Variants in KIAA1217 observed in about 807,000 individuals in gnomAD.
KIAA1217 encodes the protein KIAA1217, also known as sickle tail protein homolog.
KIAA1217 carries 88 observed loss-of-function variants against 163.9 expected under a neutral mutation model. That is an observed-to-expected ratio of 0.54 (90% confidence interval 0.45 to 0.64). KIAA1217 has a LOEUF of 0.64. KIAA1217 is among the 30% of genes least tolerant of loss of function. The pLI, the probability that KIAA1217 is intolerant of heterozygous loss-of-function variation, is 0.00. For synonymous variants in KIAA1217, 903 were observed against 923.1 expected (o/e 0.98, Z 0.39); for missense variants, 2,372 against 2,475.0 (o/e 0.96, Z 0.88).
chr10:24,308,786 G>T (rs1590823324), intron 2 of KIAA1217, among the ~76,000 whole-genome samples: 1 of 152,072 alleles, frequency 6.6e-6, no homozygotes. Flanking sequence ...CCTTCTACTT[G>T]ATGCAATGAC....
At chr10:24,440,858 T>C (rs1457028132) in intron 5 of KIAA1217, among the ~76,000 whole-genome samples, 1 of 152,254 alleles carries the variant, frequency 6.6e-6, no homozygotes, top group Non-Finnish European at 1.5e-5. Flanking sequence ...GGTGTGATCA[T>C]GCCTGCAGTT....
chr10:23,878,141 C>T (rs892327467), intron 1 of KIAA1217, among the ~76,000 whole-genome samples: 10 of 151,830 alleles, frequency 6.6e-5, no homozygotes, highest in African/African-American at 1.2e-4. Flanking sequence ...GTGAGCAGTG[C>T]GAGACGTTGA....
chr10:24,298,797 C>G (rs2132645313), intron 2 of KIAA1217, among the ~76,000 whole-genome samples: 1 of 151,678 alleles, frequency 6.6e-6, no homozygotes, highest in Middle Eastern at 3.4e-3. Context: ...GACTCCATCT[C>G]AAAAAGAAAA....
Position 24,543,595 on chromosome 10 carries a change from C to T in KIAA1217, c.4325C>T (p.Pro1442Leu). 1.2e-6 allele frequency: 2 copies of T among 1,614,072 alleles called. No individual in the cohort carries two copies. The highest frequency in any genetic ancestry group is 1.7e-6 in the Non-Finnish European group (2 of 1,180,006). Residue 1442 changes from proline (P) to leucine (L), a missense_variant, in exon 19 of 21, where the codon CCA (proline) becomes CTA (leucine). Around this residue, in one of 3 missense-constraint regions of KIAA1217, gnomAD observed 690 missense variants for 677.5 expected, o/e 1.02. Transcript: ENST00000376454. ...CCAGTCGTGTGCCTGGACAAGAAACCAGTGATCATCATTTTCGATGAGCCC... is the reference window on the plus strand; with the variant it reads ...CCAGTCGTGTGCCTGGACAAGAAACTAGTGATCATCATTTTCGATGAGCCC... ...EDPVVCLDKK[P>L]VIIIFDEPMD... is the part of the protein sequence containing the mutation.
At chr10:23,906,853 C>A (rs1842183218) in intron 1 of KIAA1217, among the ~76,000 whole-genome samples, 1 of 152,122 alleles carries the variant, frequency 6.6e-6, no homozygotes, top group Non-Finnish European at 1.5e-5. Context: ...ATCATACAGA[C>A]CAGTGCCACC....
At chr10:24,209,359 G>T in intron 1 of KIAA1217, 96 bp downstream of exon 1, 2 of 648,876 alleles carry the variant, frequency 3.1e-6, no homozygotes, top group Non-Finnish European at 4.6e-6. Context: ...ACCCGGCAAA[G>T]GAAAAAAAAA....
At chr10:24,388,858 C>T (rs1275380272) in intron 3 of KIAA1217, among the ~76,000 whole-genome samples, 1 of 140,532 alleles carries the variant, frequency 7.1e-6, no homozygotes, top group Non-Finnish European at 1.5e-5. Flanking sequence ...CAATGAGATA[C>T]CATCTCACAC....
At chr10:24,108,131 G>A (rs931079575) in intron 2 of KIAA1217, among the ~76,000 whole-genome samples, 1 of 152,150 alleles carries the variant, frequency 6.6e-6, no homozygotes, top group Non-Finnish European at 1.5e-5. Flanking sequence ...CTCATCCTAA[G>A]GAAGGCTATT....
At chr10:24,055,413 T>C (rs1389230203) in intron 2 of KIAA1217, among the ~76,000 whole-genome samples, 1 of 152,234 alleles carries the variant, frequency 6.6e-6, no homozygotes, top group Non-Finnish European at 1.5e-5. Context: ...CCATGTTTAA[T>C]TTATAGCTTC....
chr10:24,540,982 C>T (rs1027239835), intron 17 of KIAA1217, among the ~76,000 whole-genome samples: 5 of 151,762 alleles, frequency 3.3e-5, no homozygotes, highest in African/African-American at 1.2e-4. Context: ...ATGACCAGGT[C>T]GGTCTCAAAT....
At chr10:23,880,137 A>C (rs1840885601) in intron 1 of KIAA1217, among the ~76,000 whole-genome samples, 1 of 151,920 alleles carries the variant, frequency 6.6e-6, no homozygotes. Flanking sequence ...AATACACATA[A>C]GGAAAAATGA....
intron 1 of KIAA1217, among the ~76,000 whole-genome samples, chr10:23,773,234 T>G (rs1044053645): frequency 6.6e-6 from 1 of 152,146 alleles, no homozygotes; most frequent in South Asian, 2.1e-4. Flanking sequence ...TTTCCCCATT[T>G]CTTGTTTTTC....
intron 1 of KIAA1217, among the ~76,000 whole-genome samples, chr10:23,760,980 G>A (rs934564849): frequency 2.0e-5 from 3 of 152,158 alleles, no homozygotes; most frequent in Admixed American, 2.0e-4. Flanking sequence ...GCTGGGCATG[G>A]CAGTGCAGGC....
intron 1 of KIAA1217, among the ~76,000 whole-genome samples, chr10:23,909,262 T>G (rs1842319805): frequency 6.6e-6 from 1 of 152,048 alleles, no homozygotes; most frequent in Non-Finnish European, 1.5e-5. Context: ...TGTATACTGC[T>G]CAGGTAATGG....
chr10:23,895,017 G>A (rs186613034), intron 1 of KIAA1217, among the ~76,000 whole-genome samples: 8 of 151,532 alleles, frequency 5.3e-5, no homozygotes, highest in South Asian at 2.1e-4. Context: ...CTTAAACGTT[G>A]GACCTAAAAC....
chr10:23,858,120 C>A lies in KIAA1217; in HGVS notation c.-320-149105C>A, dbSNP rs78677404. Reference sequence around the variant, plus strand: ...GAGGGCCAGGAAAGGACAACTGTGACCACTCAAGAAACGGGAGCCAAGGCC... The same window carrying A: ...GAGGGCCAGGAAAGGACAACTGTGAACACTCAAGAAACGGGAGCCAAGGCC... On this transcript the variant is annotated intron_variant, in intron 1 of 18. Transcript: ENST00000376462. Among the ~76,000 whole-genome samples the A allele has an allele frequency of 8.3e-3, 1,265 of 152,060 alleles. 19 individuals carry two copies. Among genetic ancestry groups the A allele is most frequent in the African/African-American group, 0.028 (1,179 of 41,460 alleles).
intron 2 of KIAA1217, among the ~76,000 whole-genome samples, chr10:24,070,515 T>C (rs1183341734): frequency 6.6e-6 from 1 of 152,206 alleles, no homozygotes; most frequent in Non-Finnish European, 1.5e-5. Flanking sequence ...TAATCAATTT[T>C]AATCTTTGGA....
At chr10:24,320,906 G>C (rs1263913266) in intron 2 of KIAA1217, among the ~76,000 whole-genome samples, 1 of 152,086 alleles carries the variant, frequency 6.6e-6, no homozygotes, top group African/African-American at 2.4e-5. Context: ...AATTAGCCGG[G>C]TGTGGTGGCA....
intron 2 of KIAA1217, among the ~76,000 whole-genome samples, chr10:24,361,982 C>CAAAAAAAA (rs68117028): frequency 2.5e-4 from 25 of 100,548 alleles, no homozygotes; most frequent in East Asian, 7.9e-4. Context: ...GACTCTGTCT[C>CAAAAAAAA]AAAAAAAAAA....
Sources: gnomAD v4.1 joint callset for allele counts (sites outside exome capture counted in the v4.1 genomes callset) on GRCh38, gnomAD v4.1.1 for gene constraint, gnomAD v4.1.1 regional missense constraint, MANE v1.5 for transcripts, NCBI Gene and HGNC (gene_info 2026-07-23, HGNC 2026-07-21) for gene names.